The following TSPAN9 variants were observed in gnomAD, a reference collection of about 807,000 sequenced individuals.
TSPAN9 encodes tetraspanin-9.
Under a neutral mutation model 31.0 loss-of-function variants are expected in TSPAN9, and 16 were observed. The observed-to-expected ratio is 0.52, with a 90% CI of 0.35 to 0.78. The LOEUF is 0.78. Ranked by LOEUF, TSPAN9 falls within the 30% of genes least tolerant of loss-of-function variation. The pLI is 0.01. For synonymous variants in TSPAN9, 145 were observed against 121.6 expected (o/e 1.19, Z -1.27); for missense variants, 272 against 312.5 (o/e 0.87, Z 0.98).
chr12:3,208,190 C>G (rs372760183), intron 3 of TSPAN9, among the ~76,000 whole-genome samples: 1 of 152,190 alleles, frequency 6.6e-6, no homozygotes, highest in Non-Finnish European at 1.5e-5. Flanking sequence ...GAGTATGGAC[C>G]GCTTGGATGA....
chr12:3,241,234 C>T (rs1460452980), intron 3 of TSPAN9, among the ~76,000 whole-genome samples: 1 of 152,122 alleles, frequency 6.6e-6, no homozygotes, highest in Non-Finnish European at 1.5e-5. Flanking sequence ...ATTTAGGTGT[C>T]CCACATTAGG....
chr12:3,239,866 G>A (rs1221111269), intron 3 of TSPAN9, among the ~76,000 whole-genome samples: 2 of 151,944 alleles, frequency 1.3e-5, no homozygotes, highest in Non-Finnish European at 2.9e-5. Flanking sequence ...CTGGGGATGT[G>A]GAAATTTTGA....
Position 3,107,835 on chromosome 12 carries a change from G to C in TSPAN9, c.-18+24116G>C, listed in dbSNP as rs1217313196. Among the ~76,000 whole-genome samples, 1 of 152,120 alleles carries C rather than the reference G, an allele frequency of 6.6e-6. No homozygotes were observed. Among genetic ancestry groups the C allele is most frequent in the Non-Finnish European group, 1.5e-5 (1 of 68,028 alleles). On this transcript the variant is annotated intron_variant, in intron 2 of 8. Transcript: ENST00000011898. The surrounding 1 kb of genome is among the most constrained non-coding windows in gnomAD (Gnocchi z 4.1). ...CTGGGCATGAATTCATTTTTTCCTG[G>C]CTTGAGTTTCAAATGTCAACTGGGA...
rs1312612410 is a variant in TSPAN9, at chr12:3,232,370, T to G, written c.63+31114T>G. ...TTTAATTTTTTACCCCACTAAGAGA[T>G]AAGGAGGAGTCAGAGGGAGGGATAT... On this transcript the variant is annotated intron_variant, in intron 3 of 8. Coordinates refer to ENST00000011898, the MANE Select transcript of TSPAN9 (RefSeq NM_006675.5). Among the ~76,000 whole-genome samples the G allele has an allele frequency of 2.6e-5, 4 of 151,936 alleles. No individual in the cohort carries two copies. In the East Asian group the frequency reaches 7.7e-4, roughly 29 times the overall value.
chr12:3,264,295 G>T (rs770084140), intron 3 of TSPAN9, among the ~76,000 whole-genome samples: 71 of 152,294 alleles, frequency 4.7e-4, no homozygotes, highest in Non-Finnish European at 7.5e-4. Context: ...ATTTGCCTCG[G>T]CCCCTTCTGG....
At chr12:3,253,796 CT>C (rs1862297370) in intron 3 of TSPAN9, among the ~76,000 whole-genome samples, 1 of 152,140 alleles carries the variant, frequency 6.6e-6, no homozygotes, top group African/African-American at 2.4e-5. Context: ...CAGTGTGTCC[CT>C]GGGAATGTTC....
intron 3 of TSPAN9, among the ~76,000 whole-genome samples, chr12:3,249,241 C>T (rs898434589): frequency 6.6e-6 from 1 of 152,192 alleles, no homozygotes; most frequent in Non-Finnish European, 1.5e-5. Flanking sequence ...CTCAATGACT[C>T]CAGGCACCCC....
chr12:3,135,008 T>A (rs79479723), intron 2 of TSPAN9, among the ~76,000 whole-genome samples: 6 of 152,230 alleles, frequency 3.9e-5, no homozygotes, highest in African/African-American at 1.4e-4. Flanking sequence ...CGGAGGTGCC[T>A]GCAGTCAGGG....
At chr12:3,102,764 A>G (rs1027096317) in intron 2 of TSPAN9, among the ~76,000 whole-genome samples, 4 of 152,242 alleles carry the variant, frequency 2.6e-5, no homozygotes, top group Non-Finnish European at 5.9e-5. Context: ...TTTGAGAGCT[A>G]TTGCACAGCA....
chr12:3,254,317 C>G (rs948019555), intron 3 of TSPAN9, among the ~76,000 whole-genome samples: 11 of 152,318 alleles, frequency 7.2e-5, no homozygotes, highest in African/African-American at 2.2e-4. Flanking sequence ...GCCCTCATCC[C>G]TGGCCCCTGC....
chr12:3,158,313 C>T (rs749478370), intron 2 of TSPAN9, among the ~76,000 whole-genome samples: 1 of 152,178 alleles, frequency 6.6e-6, no homozygotes, highest in Non-Finnish European at 1.5e-5. Flanking sequence ...TCCCCAGCAC[C>T]CCACAGGTCA....
rs60604328 is a variant in TSPAN9 at position 3,205,718 on chromosome 12, GCC to G, written c.63+4473_63+4474del. On this transcript the variant is annotated intron_variant, in intron 3 of 8. Transcript: ENST00000011898. ...AACCTGGGCAGCAAGAGGCACTTAGGCCCCCCCCCCCCAGAGTGCTCAGGTGT... is the reference window on the plus strand; with the variant it reads ...AACCTGGGCAGCAAGAGGCACTTAGGCCCCCCCCCCAGAGTGCTCAGGTGT... Among the ~76,000 whole-genome samples, 11 of 100,676 alleles carry G rather than the reference GCC, an allele frequency of 1.1e-4. No homozygotes were observed. In the East Asian group the frequency reaches 1.7e-3, roughly 15 times the overall value. 66.0% of individuals were successfully genotyped at this position (100,676 alleles called of 152,430 possible). A position where few individuals can be genotyped will look rare whatever the true frequency, so the allele number is the denominator to read the frequency against.
intron 2 of TSPAN9, among the ~76,000 whole-genome samples, chr12:3,186,393 G>A (rs2098361321): frequency 6.6e-6 from 1 of 152,146 alleles, no homozygotes; most frequent in Admixed American, 6.5e-5. Context: ...TGCCATTTGA[G>A]TGGAGGTTTA....
intron 2 of TSPAN9, among the ~76,000 whole-genome samples, chr12:3,122,353 C>T (rs763357383): frequency 4.0e-5 from 6 of 151,688 alleles, no homozygotes; most frequent in Non-Finnish European, 8.8e-5. Context: ...CTTGCTCTGT[C>T]ACCCAGGCTG....
At chr12:3,132,085 G>A (rs2098330065) in intron 2 of TSPAN9, among the ~76,000 whole-genome samples, 1 of 152,186 alleles carries the variant, frequency 6.6e-6, no homozygotes, top group Admixed American at 6.5e-5. Flanking sequence ...GCATGCTGTA[G>A]TGTGCATCAG....
intron 2 of TSPAN9, among the ~76,000 whole-genome samples, chr12:3,130,986 G>A (rs2098329579): frequency 1.3e-5 from 2 of 152,160 alleles, no homozygotes; most frequent in Admixed American, 1.3e-4. Context: ...CTTCAAGGTC[G>A]TTGGGGCCAG....
At chr12:3,105,837 TACACACGCTCACACACGTTCACAC>T (rs2098314295) in intron 2 of TSPAN9, among the ~76,000 whole-genome samples, 2 of 111,264 alleles carry the variant, frequency 1.8e-5, no homozygotes, top group East Asian at 2.6e-4. Context: ...CACACTTTCA[TACACACGCTCACACACGTTCACAC>T]ACACACGCTC....
chr12:3,112,676 C>CTTTTTTTTTTTTT (rs765040711), intron 2 of TSPAN9, among the ~76,000 whole-genome samples: 6 of 88,502 alleles, frequency 6.8e-5, no homozygotes, highest in East Asian at 3.5e-4. Flanking sequence ...TTTATTTTTG[C>CTTTTTTTTTTTTT]TTTTTTTTTT....
At chr12:3,281,685 G>C (rs761907526) in intron 7 of TSPAN9, 49 bp from the exon 8 acceptor site, 3 of 1,581,688 alleles carry the variant, frequency 1.9e-6, no homozygotes, top group South Asian at 2.3e-5. Flanking sequence ...GGGCTGCAGG[G>C]AGCGCATGCT....
Sources: gnomAD v4.1 joint callset for allele counts (sites outside exome capture counted in the v4.1 genomes callset) on GRCh38, gnomAD v4.1.1 for gene constraint, Gnocchi (gnomAD v3.1) non-coding constraint, MANE v1.5 for transcripts, NCBI Gene and HGNC (gene_info 2026-07-23, HGNC 2026-07-21) for gene names.